Variants in STX8 observed in about 807,000 individuals in gnomAD.
The protein encoded by STX8 is syntaxin-8.
STX8 carries 23 observed loss-of-function variants against 37.5 expected under a neutral mutation model. The observed-to-expected ratio is 0.61, with a 90% CI of 0.44 to 0.87. The LOEUF is 0.87. Among genes scored for constraint, STX8 ranks in the 40% least tolerant of loss-of-function variants. The pLI is 0.00. For synonymous variants in STX8, 115 were observed against 99.1 expected (o/e 1.16, Z -0.95); for missense variants, 313 against 284.7 (o/e 1.10, Z -0.71).
chr17:9,439,154 C>A (rs1038736766), intron 6 of STX8, among the ~76,000 whole-genome samples: 3 of 152,024 alleles, frequency 2.0e-5, no homozygotes, highest in Admixed American at 6.6e-5. Context: ...GCTTGCTGAT[C>A]CTAGCTCTAT....
At chr17:9,557,926 T>C (rs1907044826) in intron 2 of STX8, among the ~76,000 whole-genome samples, 1 of 152,180 alleles carries the variant, frequency 6.6e-6, no homozygotes, top group Non-Finnish European at 1.5e-5. Flanking sequence ...AAACCCACAG[T>C]TCTCTGAACC....
At chr17:9,502,093 A>G (rs1450794517) in intron 5 of STX8, among the ~76,000 whole-genome samples, 2 of 152,208 alleles carry the variant, frequency 1.3e-5, no homozygotes, top group Middle Eastern at 3.2e-3. Context: ...ATCCCTGCAC[A>G]CTGTTGGTGG....
chr17:9,292,277 TCA>T (rs1031543078), intron 7 of STX8, among the ~76,000 whole-genome samples: 3 of 152,208 alleles, frequency 2.0e-5, no homozygotes, highest in Non-Finnish European at 4.4e-5. Flanking sequence ...GAAGTCAGTG[TCA>T]CGGTCTCCAC....
At chr17:9,304,208 T>C (rs1319607897) in intron 7 of STX8, among the ~76,000 whole-genome samples, 1 of 151,802 alleles carries the variant, frequency 6.6e-6, no homozygotes, top group African/African-American at 2.4e-5. Context: ...ATTTCACTCA[T>C]AAGAAAAATA....
intron 7 of STX8, among the ~76,000 whole-genome samples, chr17:9,367,240 C>T (rs1444827876): frequency 6.7e-6 from 1 of 149,578 alleles, no homozygotes; most frequent in Non-Finnish European, 1.5e-5. Flanking sequence ...TTTGAAGGTG[C>T]TCCTGTTACA....
chr17:9,306,595 C>CAA (rs71135963), intron 7 of STX8, among the ~76,000 whole-genome samples: 28 of 69,884 alleles, frequency 4.0e-4, no homozygotes, highest in Non-Finnish European at 5.7e-4. Context: ...ACTAAAAATA[C>CAA]AAAAAAAAAA....
At chr17:9,304,725 C>T (rs12937912) in intron 7 of STX8, among the ~76,000 whole-genome samples, 17,108 of 151,816 alleles carry the variant, frequency 0.11, 1,226 homozygotes, top group Non-Finnish European at 0.16. Context: ...AATCTTTCCA[C>T]GAGACTGTGA....
At chr17:9,460,080 C>T (rs1156900254) in intron 6 of STX8, among the ~76,000 whole-genome samples, 1 of 152,102 alleles carries the variant, frequency 6.6e-6, no homozygotes, top group Non-Finnish European at 1.5e-5. Context: ...ATAAAGGGCA[C>T]AACAAGAAAC....
intron 5 of STX8, among the ~76,000 whole-genome samples, chr17:9,503,946 T>A (rs751372350): frequency 5.3e-5 from 8 of 152,062 alleles, no homozygotes; most frequent in Non-Finnish European, 1.0e-4. Flanking sequence ...TTATTTTTAG[T>A]AGAGACGGCG....
chr17:9,565,130 C>T (rs1253685507), intron 2 of STX8, among the ~76,000 whole-genome samples: 9 of 152,128 alleles, frequency 5.9e-5, no homozygotes, highest in African/African-American at 2.2e-4. Context: ...ATCACTTGAA[C>T]CCGAGAGGCA....
At chr17:9,369,800 G>C (rs917382340) in intron 7 of STX8, among the ~76,000 whole-genome samples, 1 of 150,412 alleles carries the variant, frequency 6.6e-6, no homozygotes, top group Non-Finnish European at 1.5e-5. Context: ...GGCTCAGGTG[G>C]GAGGCTCACT....
At chr17:9,397,084 A>G (rs1032497434) in intron 6 of STX8, among the ~76,000 whole-genome samples, 3 of 152,214 alleles carry the variant, frequency 2.0e-5, no homozygotes, top group East Asian at 1.9e-4. Flanking sequence ...ACCGCTATAC[A>G]TGTACATTGG....
At chr17:9,571,394 G>A (rs1043811270) in intron 1 of STX8, among the ~76,000 whole-genome samples, 3 of 152,162 alleles carry the variant, frequency 2.0e-5, no homozygotes, top group Non-Finnish European at 2.9e-5. Context: ...GGTAAAGTCC[G>A]GGCGGGAACC....
intron 6 of STX8, among the ~76,000 whole-genome samples, chr17:9,472,070 C>CA (rs1567575237): frequency 2.9e-5 from 4 of 139,844 alleles, no homozygotes; most frequent in African/African-American, 2.6e-5. Context: ...TGGTAGATTC[C>CA]TTTTTTTTTT....
chr17:9,441,739 G>C lies in STX8; in HGVS notation c.541+50090C>G, dbSNP rs182778394. On this transcript the variant is annotated intron_variant, in intron 6 of 7. Coordinates refer to ENST00000306357, the MANE Select transcript of STX8 (RefSeq NM_004853.3). ...TGCCAAGGCTGGAGTGCAGTGGCGC[G>C]ATCTCAGCTCACGGCAAGCTCCGCC... Among the ~76,000 whole-genome samples the C allele has an allele frequency of 5.7e-5, 8 of 140,088 alleles. No homozygotes were observed. The South Asian group carries it at 1.9e-3, about 33-fold the overall frequency. 91.9% of individuals were successfully genotyped at this position (140,088 alleles called of 152,430 possible).
intron 7 of STX8, among the ~76,000 whole-genome samples, chr17:9,342,894 G>T (rs1193157637): frequency 2.0e-5 from 3 of 151,976 alleles, no homozygotes; most frequent in Non-Finnish European, 4.4e-5. Context: ...GGTGGTACGT[G>T]CCTGTAGTCC....
intron 7 of STX8, among the ~76,000 whole-genome samples, chr17:9,372,478 T>C (rs1911439316): frequency 1.3e-5 from 2 of 152,112 alleles, no homozygotes; most frequent in Middle Eastern, 3.4e-3. Context: ...TTTATTTTTA[T>C]TTATTAATTT....
At chr17:9,305,852 C>G (rs1432205110) in intron 7 of STX8, among the ~76,000 whole-genome samples, 1 of 145,760 alleles carries the variant, frequency 6.9e-6, no homozygotes, top group Non-Finnish European at 1.5e-5. Context: ...TCAAGCGATT[C>G]TCCTGCCGCA....
intron 6 of STX8, among the ~76,000 whole-genome samples, chr17:9,397,751 G>GATC (rs2142313390): frequency 6.6e-6 from 1 of 151,986 alleles, no homozygotes; most frequent in South Asian, 2.1e-4. Context: ...CAAGAGGGGT[G>GATC]ATCACTTGAG....
Sources: gnomAD v4.1 joint callset for allele counts (sites outside exome capture counted in the v4.1 genomes callset) on GRCh38, gnomAD v4.1.1 for gene constraint, MANE v1.5 for transcripts, NCBI Gene and HGNC (gene_info 2026-07-23, HGNC 2026-07-21) for gene names.